Variants in PTPRT observed in about 807,000 individuals in gnomAD.
PTPRT encodes receptor-type tyrosine-protein phosphatase T.
PTPRT carries 56 observed loss-of-function variants against 176.8 expected under a neutral mutation model. The observed-to-expected ratio is 0.32, with a 90% confidence interval of 0.26 to 0.40. The LOEUF (loss-of-function observed/expected upper bound fraction) is 0.40, where lower values mean the gene tolerates loss of function less well. PTPRT is among the 10% of genes least tolerant of loss of function. The pLI, the probability that PTPRT is intolerant of heterozygous loss-of-function variation, is 1.00. For missense variants in PTPRT, 1,540 were observed against 1,908.2 expected (o/e 0.81, Z 3.60); for synonymous variants, 783 against 739.0 (o/e 1.06, Z -0.96).
At chr20:42,157,126 G>C (rs1311629739) in intron 17 of PTPRT, among the ~76,000 whole-genome samples, 1 of 152,092 alleles carries the variant, frequency 6.6e-6, no homozygotes, top group Admixed American at 6.5e-5. Context: ...GTACATGCCA[G>C]ATATATTACT....
At chr20:43,158,217 G>T (rs971406835) in intron 1 of PTPRT, among the ~76,000 whole-genome samples, 4 of 152,122 alleles carry the variant, frequency 2.6e-5, no homozygotes, top group Non-Finnish European at 4.4e-5. Context: ...GACATAGAGA[G>T]GAATCAAGAA....
At chr20:42,332,649 T>G (rs1378179534) in intron 11 of PTPRT, among the ~76,000 whole-genome samples, 2 of 152,328 alleles carry the variant, frequency 1.3e-5, no homozygotes, top group South Asian at 2.1e-4. Context: ...AACATTTTTT[T>G]TTTTTGAGAA....
chr20:42,555,414 T>C (rs934287685), intron 7 of PTPRT, among the ~76,000 whole-genome samples: 1 of 152,154 alleles, frequency 6.6e-6, no homozygotes, highest in Admixed American at 6.5e-5. Flanking sequence ...AAGTAAACCA[T>C]ACAGAACGAT....
chr20:42,239,255 T>G (rs1054924974), intron 14 of PTPRT, among the ~76,000 whole-genome samples: 5 of 152,084 alleles, frequency 3.3e-5, no homozygotes, highest in Non-Finnish European at 5.9e-5. Flanking sequence ...ACACATTAAC[T>G]CATGTATTCC....
At chr20:42,247,623 G>A (rs566077190) in intron 14 of PTPRT, among the ~76,000 whole-genome samples, 1 of 152,282 alleles carries the variant, frequency 6.6e-6, no homozygotes, top group East Asian at 1.9e-4. Context: ...TGTTGGTTTG[G>A]TTAATAATGT....
intron 7 of PTPRT, among the ~76,000 whole-genome samples, chr20:42,494,565 C>G (rs1341991222): frequency 2.0e-5 from 3 of 152,140 alleles, no homozygotes; most frequent in Non-Finnish European, 2.9e-5. Flanking sequence ...CCGCCCCTCC[C>G]CCAACTATCA....
chr20:42,895,989 C>T (rs1313358780), intron 1 of PTPRT, among the ~76,000 whole-genome samples: 1 of 152,126 alleles, frequency 6.6e-6, no homozygotes, highest in Non-Finnish European at 1.5e-5. Context: ...TGTTTCTTCC[C>T]GTCTCTGGGA....
chr20:42,443,658 T>G (rs755117643), intron 9 of PTPRT, among the ~76,000 whole-genome samples: 8 of 152,132 alleles, frequency 5.3e-5, no homozygotes, highest in African/African-American at 9.7e-5. Context: ...GACGGTTTCA[T>G]AGCCCTGGAG....
At chr20:42,145,270 C>T (rs752080442) in intron 17 of PTPRT, among the ~76,000 whole-genome samples, 15 of 152,248 alleles carry the variant, frequency 9.9e-5, no homozygotes, top group Non-Finnish European at 1.8e-4. Context: ...GGGATGCTGA[C>T]GTGAGTGGAT....
chr20:43,143,618 A>C (rs1267803191), intron 1 of PTPRT, among the ~76,000 whole-genome samples: 1 of 152,202 alleles, frequency 6.6e-6, no homozygotes, highest in East Asian at 1.9e-4. Context: ...AGAAAAGAGA[A>C]AGAGCTGTGT....
intron 7 of PTPRT, among the ~76,000 whole-genome samples, chr20:42,590,782 G>A (rs995873696): frequency 6.6e-6 from 1 of 152,070 alleles, no homozygotes. Context: ...GAGAAAGCCT[G>A]CTCACTTAAA....
rs531768474 is a variant in PTPRT at position 43,150,341 on chromosome 20, C to T, written c.88+39305G>A. Among the ~76,000 whole-genome samples, 146 of 152,342 alleles carry T rather than the reference C, an allele frequency of 9.6e-4. 1 individual carries two copies. The highest frequency in any genetic ancestry group is 1.6e-3 in the Non-Finnish European group (110 of 68,022). ...CTCAGAACTGACCAGTAAAGGATAA[C>T]GGTCTCCATCCCCACCTAATACTCA... is the stretch of plus-strand genomic sequence containing the variant. On this transcript the variant is annotated intron_variant, in intron 1 of 30. Transcript: ENST00000373187.
At chr20:42,200,282 ATTC>A (rs1391430087) in intron 15 of PTPRT, among the ~76,000 whole-genome samples, 1 of 152,196 alleles carries the variant, frequency 6.6e-6, no homozygotes, top group East Asian at 1.9e-4. Flanking sequence ...ATCCTGAACT[ATTC>A]TTCTGTATAC....
rs555109346 is a variant in PTPRT at position 42,420,793 on chromosome 20, C to T, written c.1560+27427G>A. Among the ~76,000 whole-genome samples, 270 of 152,290 alleles carry T rather than the reference C, an allele frequency of 1.8e-3. 1 individual carries two copies. Among genetic ancestry groups the T allele is most frequent in the Middle Eastern group, 0.01 (3 of 294 alleles). On this transcript the variant is annotated intron_variant, in intron 9 of 30. Coordinates refer to ENST00000373187, the MANE Select transcript of PTPRT (RefSeq NM_007050.6). ...CCAACATGGGTCTAGGACCAACCCC[C>T]GCCAAGACCTCACAACATTTGGGGG...
chr20:42,065,327 A>G, the PTPRT span, among the ~76,000 whole-genome samples: 1 of 152,382 alleles, frequency 6.6e-6, no homozygotes, highest in East Asian at 1.9e-4. Context: ...ATCCAAAAAT[A>G]CTAAATTACA....
intron 6 of PTPRT, among the ~76,000 whole-genome samples, chr20:42,747,338 C>G (rs534035144): frequency 6.6e-6 from 1 of 152,268 alleles, no homozygotes; most frequent in Non-Finnish European, 1.5e-5. Context: ...CTTCTATATG[C>G]CAGGTACTGA....
chr20:42,456,802 T>C (rs2070933542), intron 8 of PTPRT, among the ~76,000 whole-genome samples: 1 of 152,116 alleles, frequency 6.6e-6, no homozygotes, highest in South Asian at 2.1e-4. Flanking sequence ...AATATCAAGG[T>C]TATAGTCTTG....
At chr20:42,279,553 A>G (rs933825515) in intron 13 of PTPRT, among the ~76,000 whole-genome samples, 2 of 152,188 alleles carry the variant, frequency 1.3e-5, no homozygotes, top group Admixed American at 6.5e-5. Flanking sequence ...AAGCCAACCA[A>G]TTTGTAGGAC....
intron 1 of PTPRT, among the ~76,000 whole-genome samples, chr20:42,899,989 A>C (rs533103108): frequency 6.6e-6 from 1 of 152,346 alleles, no homozygotes; most frequent in Non-Finnish European, 1.5e-5. Flanking sequence ...TTCAATCCTC[A>C]AAAGAGCCCC....
Sources: gnomAD v4.1 joint callset for allele counts (sites outside exome capture counted in the v4.1 genomes callset) on GRCh38, gnomAD v4.1.1 for gene constraint, MANE v1.5 for transcripts, NCBI Gene and HGNC (gene_info 2026-07-23, HGNC 2026-07-21) for gene names.